SGCD: variants seen among roughly 807,000 people sequenced by gnomAD.
The protein encoded by SGCD is sarcoglycan delta.
Under a neutral mutation model 36.6 loss-of-function variants are expected in SGCD, and 18 were observed. The ratio of observed to expected loss-of-function variants is 0.49; its 90% CI spans 0.34 to 0.73. The LOEUF (loss-of-function observed/expected upper bound fraction) is 0.73, where lower values mean the gene tolerates loss of function less well. Among genes scored for constraint, SGCD ranks in the 30% least tolerant of loss-of-function variants. The probability of loss-of-function intolerance (pLI) is 0.01; values close to 1 mark genes in which losing one functional copy is unlikely to be tolerated. For missense variants in SGCD, 387 were observed against 346.7 expected, an observed-to-expected ratio of 1.12 and a Z score of -0.92; for synonymous variants, 133 against 130.6, an observed-to-expected ratio of 1.02 and a Z score of -0.12.
intron 1 of SGCD, among the ~76,000 whole-genome samples, chr5:155,947,006 G>A (rs773912864): frequency 2.0e-5 from 3 of 152,270 alleles, no homozygotes; most frequent in African/African-American, 2.4e-5. Flanking sequence ...ATAGATTTGG[G>A]CCAGGAACCC....
chr5:156,205,161 G>A (rs1001656367), intron 3 of SGCD, among the ~76,000 whole-genome samples: 2 of 152,006 alleles, frequency 1.3e-5, no homozygotes, highest in African/African-American at 4.8e-5. Context: ...AGAACTTCCA[G>A]ACACCCAGAC....
chr5:155,800,707 G>T, the SGCD span, among the ~76,000 whole-genome samples: 69 of 152,002 alleles, frequency 4.5e-4, no homozygotes, highest in African/African-American at 1.5e-3. Context: ...AGATCTTTGC[G>T]CAGTTTGGGG....
intron 7 of SGCD, among the ~76,000 whole-genome samples, chr5:156,737,669 G>A (rs1210816026): frequency 6.6e-6 from 1 of 152,124 alleles, no homozygotes; most frequent in Non-Finnish European, 1.5e-5. Flanking sequence ...CATGGGGGAT[G>A]AAGAGAGCAC....
chr5:156,008,380 C>T (rs913654755), intron 1 of SGCD, among the ~76,000 whole-genome samples: 1 of 152,030 alleles, frequency 6.6e-6, no homozygotes, highest in African/African-American at 2.4e-5. Flanking sequence ...TCTTTCCTTT[C>T]TTTTTATTTT....
At chr5:155,923,978 G>A (rs1469533331) in intron 1 of SGCD, among the ~76,000 whole-genome samples, 1 of 152,202 alleles carries the variant, frequency 6.6e-6, no homozygotes, top group East Asian at 1.9e-4. Flanking sequence ...GGTCCATAGA[G>A]CTCTTGCCTG....
At chr5:156,013,916 T>C (rs1480811914) in intron 1 of SGCD, among the ~76,000 whole-genome samples, 2 of 152,156 alleles carry the variant, frequency 1.3e-5, no homozygotes, top group Non-Finnish European at 2.9e-5. Flanking sequence ...CTTTGTGTCT[T>C]TGTGTGTACG....
chr5:156,669,384 A>G (rs1199061575), intron 7 of SGCD, among the ~76,000 whole-genome samples: 3 of 152,204 alleles, frequency 2.0e-5, no homozygotes, highest in East Asian at 1.9e-4. Flanking sequence ...TATCTTGATA[A>G]TGATATCCTT....
At chr5:155,870,807 C>T (rs1052215426) in intron 1 of SGCD, among the ~76,000 whole-genome samples, 5 of 152,118 alleles carry the variant, frequency 3.3e-5, no homozygotes, top group African/African-American at 4.8e-5. Flanking sequence ...CTCAGGTTAA[C>T]GTCTTTTTGC....
chr5:156,101,142 T>A (rs886675280), intron 1 of SGCD, among the ~76,000 whole-genome samples: 1 of 152,222 alleles, frequency 6.6e-6, no homozygotes, highest in Non-Finnish European at 1.5e-5. Context: ...ATCTTGGTCT[T>A]CCAGACTTCA....
At chr5:156,715,514 A>G (rs562231319) in intron 7 of SGCD, among the ~76,000 whole-genome samples, 5 of 152,294 alleles carry the variant, frequency 3.3e-5, no homozygotes, top group African/African-American at 1.2e-4. Flanking sequence ...CCGCCATTTC[A>G]TCATCATCAA....
rs199784775 is a variant in SGCD, at chr5:156,573,701, AT to A, written c.295-15523del. ...GATCTCTTCTTGTTATTTTTTATTA[AT>A]TTTTTTAGAGATGGGGGGTCTCACT... On this transcript the variant is annotated intron_variant, in intron 4 of 8. Coordinates refer to ENST00000337851, the MANE Select transcript of SGCD (RefSeq NM_000337.6). Among the ~76,000 whole-genome samples, 161 of 151,962 alleles carry A rather than the reference AT, an allele frequency of 1.1e-3. 1 individual carries two copies. Among genetic ancestry groups the A allele is most frequent in the African/African-American group, 3.6e-3 (151 of 41,444 alleles).
chr5:156,500,481 G>T (rs1325556808), intron 3 of SGCD, among the ~76,000 whole-genome samples: 3 of 152,160 alleles, frequency 2.0e-5, no homozygotes, highest in African/African-American at 7.2e-5. Flanking sequence ...TGTTAAAACA[G>T]GTCTTGGCAT....
At chr5:156,600,329 A>C in intron 6 of SGCD, among the ~76,000 whole-genome samples, 1 of 152,190 alleles carries the variant, frequency 6.6e-6, no homozygotes, top group South Asian at 2.1e-4. Flanking sequence ...TCCCCTCCCA[A>C]TTTATGGTAA....
rs529104624 is a variant in SGCD, at chr5:156,481,005, A to C, written c.193-27596A>C. 1.2e-4 allele frequency among the ~76,000 whole-genome samples: 19 copies of C among 152,352 alleles called. No individual in the cohort carries two copies. The South Asian group carries it at 1.9e-3, about 15-fold the overall frequency. ...CCAACCCATCCACTAATCGTTTTACATTATCACAGTTTTGAACATATTTCT... is the reference window on the plus strand; with the variant it reads ...CCAACCCATCCACTAATCGTTTTACCTTATCACAGTTTTGAACATATTTCT... On this transcript the variant is annotated intron_variant, in intron 3 of 8. Coordinates refer to ENST00000337851, the MANE Select transcript of SGCD (RefSeq NM_000337.6).
intron 6 of SGCD, among the ~76,000 whole-genome samples, chr5:156,615,855 ATCT>A (rs936729344): frequency 3.3e-5 from 5 of 152,208 alleles, no homozygotes; most frequent in East Asian, 1.9e-4. Flanking sequence ...GAGTTTAGAA[ATCT>A]TCTTAAACTT....
At chr5:155,919,727 C>A (rs909600826) in intron 1 of SGCD, among the ~76,000 whole-genome samples, 4 of 152,146 alleles carry the variant, frequency 2.6e-5, no homozygotes, top group African/African-American at 9.7e-5. Context: ...TTCCTATTTT[C>A]TTTTCAGTAT....
chr5:155,752,439 CT>C, the SGCD span, among the ~76,000 whole-genome samples: 1 of 152,170 alleles, frequency 6.6e-6, no homozygotes, highest in Non-Finnish European at 1.5e-5. Context: ...ATACCATCCT[CT>C]TTCCCTTGGT....
chr5:156,506,623 C>T (rs142668674), intron 3 of SGCD, among the ~76,000 whole-genome samples: 2 of 151,916 alleles, frequency 1.3e-5, no homozygotes, highest in Non-Finnish European at 2.9e-5. Context: ...CAGCAGTCAA[C>T]TGGAAAAAAA....
intron 4 of SGCD, among the ~76,000 whole-genome samples, chr5:156,585,974 A>G (rs916784591): frequency 8.5e-5 from 13 of 152,114 alleles, no homozygotes; most frequent in African/African-American, 2.9e-4. Context: ...AACATCTAAT[A>G]TTAGTAGGTA....
Sources: gnomAD v4.1 joint callset for allele counts (sites outside exome capture counted in the v4.1 genomes callset) on GRCh38, gnomAD v4.1.1 for gene constraint, MANE v1.5 for transcripts, NCBI Gene and HGNC (gene_info 2026-07-23, HGNC 2026-07-21) for gene names.